DMD: variants seen among roughly 807,000 people sequenced by gnomAD.
DMD encodes dystrophin, also known as mutant dystrophin.
DMD carries 63 observed loss-of-function variants against 330.1 expected under a neutral mutation model. The ratio of observed to expected loss-of-function variants is 0.19; its 90% CI spans 0.16 to 0.24. DMD has a LOEUF of 0.24. Ranked by LOEUF, DMD falls within the 10% of genes least tolerant of loss-of-function variation. The pLI is 1.00. For missense variants in DMD, 3,344 were observed against 2,684.1 expected, an observed-to-expected ratio of 1.25 and a Z score of -5.43; for synonymous variants, 1,223 against 959.8, an observed-to-expected ratio of 1.27 and a Z score of -5.07.
intron 16 of DMD, among the ~76,000 whole-genome samples, chrX:32,558,090 TATATG>T (rs1177254339): frequency 1.8e-5 from 2 of 111,157 alleles, no homozygotes; most frequent in Admixed American, 9.6e-5. Context: ...AAATAAATAT[TATATG>T]ATAATTAAGA....
chrX:32,695,452 T>C (rs987280269), intron 9 of DMD, among the ~76,000 whole-genome samples: 7 of 111,707 alleles, frequency 6.3e-5, no homozygotes, highest in African/African-American at 2.3e-4. Context: ...AAAATATTAA[T>C]ATATCATAAA....
chrX:32,283,215 G>T (rs150721378), intron 43 of DMD, among the ~76,000 whole-genome samples: 1 of 111,398 alleles, frequency 9.0e-6, no homozygotes, highest in East Asian at 2.8e-4. Context: ...AGAGCTTCCC[G>T]GCCAAGCCCA....
intron 11 of DMD, among the ~76,000 whole-genome samples, chrX:32,636,814 T>A (rs1207606220): frequency 9.1e-6 from 1 of 109,371 alleles, no homozygotes; most frequent in Non-Finnish European, 1.9e-5. Flanking sequence ...CTGAATAACA[T>A]GGTGAAACCC....
intron 18 of DMD, among the ~76,000 whole-genome samples, chrX:32,515,464 A>G (rs2045766335): frequency 1.8e-5 from 2 of 111,224 alleles, no homozygotes; most frequent in Non-Finnish European, 3.8e-5. Flanking sequence ...TAACGACTTG[A>G]TAGGGAGGGT....
At chrX:32,015,643 T>A (rs1271096896) in intron 44 of DMD, among the ~76,000 whole-genome samples, 4 of 112,052 alleles carry the variant, frequency 3.6e-5, no homozygotes, top group African/African-American at 1.3e-4. Flanking sequence ...ATCTACTGGC[T>A]TTCAAGACAT....
chrX:32,135,300 G>A (rs765601931), intron 44 of DMD, among the ~76,000 whole-genome samples: 2 of 112,686 alleles, frequency 1.8e-5, no homozygotes, highest in Non-Finnish European at 3.7e-5. Context: ...CAAATATATG[G>A]AAATGATTCC....
At position 32,172,467 on chromosome X, in the gene DMD, C is replaced by T. The variant is rs1410806748; in HGVS notation, c.6438+44449G>A. On this transcript the variant is annotated intron_variant, in intron 44 of 78. Transcript: ENST00000357033. ...TCAGTTTCCGAATATGCCACAGAAT[C>T]TTAATTTGATTGAAATGCCCTCCCT... is the stretch of plus-strand genomic sequence containing the variant. Among the ~76,000 whole-genome samples, 3 of 111,716 alleles carry T rather than the reference C, an allele frequency of 2.7e-5. No individual in the cohort carries two copies. The East Asian group carries it at 8.4e-4, about 31-fold the overall frequency.
chrX:32,198,400 CAG>C (rs1307665318), intron 44 of DMD, among the ~76,000 whole-genome samples: 1 of 111,541 alleles, frequency 9.0e-6, no homozygotes, highest in Non-Finnish European at 1.9e-5. Context: ...TCAATATTTT[CAG>C]AGTAAAGCAA....
intron 44 of DMD, among the ~76,000 whole-genome samples, chrX:32,191,049 C>A (rs1192106981): frequency 9.0e-6 from 1 of 110,864 alleles, no homozygotes; most frequent in Non-Finnish European, 1.9e-5. Context: ...GTATAACTCC[C>A]AGGTCCCAAT....
chrX:32,695,174 A>G (rs1331421292), intron 9 of DMD, among the ~76,000 whole-genome samples: 3 of 112,144 alleles, frequency 2.7e-5, no homozygotes, highest in Non-Finnish European at 5.6e-5. Context: ...TATAAGAATC[A>G]CCGTCGAGAA....
chrX:31,898,137 G>T (rs1569504177), intron 47 of DMD, among the ~76,000 whole-genome samples: 1 of 110,255 alleles, frequency 9.1e-6, no homozygotes, highest in African/African-American at 3.3e-5. Context: ...ACAAATGGAA[G>T]AACATTCCAT....
chrX:32,140,893 G>A (rs1013544824), intron 44 of DMD, among the ~76,000 whole-genome samples: 2 of 110,904 alleles, frequency 1.8e-5, no homozygotes, highest in African/African-American at 6.6e-5. Flanking sequence ...ATTTGGGTGG[G>A]GACACAGCCA....
chrX:32,329,709 G>C (rs958082322), intron 41 of DMD, among the ~76,000 whole-genome samples: 3 of 112,213 alleles, frequency 2.7e-5, no homozygotes, highest in Non-Finnish European at 5.6e-5. Context: ...GTATTTGTTA[G>C]GTAATTCATT....
At chrX:31,241,987 T>G (rs1213379681) in intron 63 of DMD, among the ~76,000 whole-genome samples, 1 of 110,837 alleles carries the variant, frequency 9.0e-6, no homozygotes, top group Non-Finnish European at 1.9e-5. Flanking sequence ...CCAGGCGCGG[T>G]GGCTCATTCT....
chrX:32,698,023 G>T, intron 8 of DMD, 25 bp from the exon 9 acceptor site: 1 of 1,173,735 alleles, frequency 8.5e-7, no homozygotes, highest in Non-Finnish European at 1.1e-6. Context: ...TTGGGGGAGT[G>T]GATAGAGAGG....
intron 41 of DMD, among the ~76,000 whole-genome samples, chrX:32,318,322 T>TAAA (rs1488856177): frequency 9.0e-6 from 1 of 111,331 alleles, no homozygotes; most frequent in Non-Finnish European, 1.9e-5. Flanking sequence ...CCAGGGTGAT[T>TAAA]AAAAAACCCC....
At position 31,833,273 on chromosome X, in the gene DMD, GGA is replaced by G. The variant is rs1248049970; in HGVS notation, c.7200+3443_7200+3444del. On this transcript the variant is annotated intron_variant, in intron 49 of 78. Coordinates refer to ENST00000357033, the MANE Select transcript of DMD (RefSeq NM_004006.3). ...ATGTGTGTAGATGGGGGAGGAAGGG[GGA>G]GAGAGAGAGAGAGAGAGGGAGAGAG... Among the ~76,000 whole-genome samples, 83 of 49,809 alleles carry G rather than the reference GGA, an allele frequency of 1.7e-3. 2 individuals are homozygous for G. The highest frequency in any genetic ancestry group is 1.5e-3 in the Non-Finnish European group (47 of 31,145). The allele number at this position is 49,809 out of a possible 115,157, so 43.3% of individuals were successfully genotyped here.
At chrX:32,685,025 T>A (rs2062750282) in intron 9 of DMD, among the ~76,000 whole-genome samples, 1 of 111,812 alleles carries the variant, frequency 8.9e-6, no homozygotes, top group Non-Finnish European at 1.9e-5. Context: ...TCATGCTCTA[T>A]GAAGCAATAG....
chrX:31,850,521 G>C (rs1395325849), intron 48 of DMD, among the ~76,000 whole-genome samples: 1 of 112,202 alleles, frequency 8.9e-6, no homozygotes, highest in Non-Finnish European at 1.9e-5. Context: ...AGAAGGGACT[G>C]TGTGGCAGCT....
Sources: allele counts gnomAD v4.1 joint callset (sites outside exome capture counted in the v4.1 genomes callset), GRCh38; gene constraint gnomAD v4.1.1; transcripts MANE v1.5; gene names NCBI Gene and HGNC (gene_info 2026-07-23, HGNC 2026-07-21).